The following CLIP1 variants were observed in gnomAD, a reference collection of about 807,000 sequenced individuals.
CLIP1 encodes the protein CAP-Gly domain-containing linker protein 1.
Under a neutral mutation model 161.6 loss-of-function variants are expected in CLIP1, and 66 were observed. The observed-to-expected ratio is 0.41, with a 90% CI of 0.33 to 0.50. CLIP1 has a LOEUF of 0.50. Among genes scored for constraint, CLIP1 ranks in the 20% least tolerant of loss-of-function variants. The pLI, the probability that CLIP1 is intolerant of heterozygous loss-of-function variation, is 0.27. For missense variants in CLIP1, 1,376 were observed against 1,702.0 expected (o/e 0.81, Z 3.37); for synonymous variants, 598 against 626.2 (o/e 0.96, Z 0.67).
chr12:122,381,917 T>G (rs565987401), intron 1 of CLIP1, among the ~76,000 whole-genome samples: 1 of 152,298 alleles, frequency 6.6e-6, no homozygotes, highest in African/African-American at 2.4e-5. Context: ...CAAAACCCAA[T>G]GAAAAGCATC....
At chr12:122,362,160 G>C (rs1460825981) in intron 4 of CLIP1, among the ~76,000 whole-genome samples, 2 of 151,016 alleles carry the variant, frequency 1.3e-5, no homozygotes, top group African/African-American at 4.9e-5. Context: ...CAATATGTTG[G>C]CCAGGATGGT....
In CLIP1 at chr12:122,332,715, C is replaced by G. The variant is rs375645736; in HGVS notation, c.2867+272G>C. On this transcript the variant is annotated intron_variant, in intron 15 of 25. Transcript: ENST00000620786. The stretch of plus-strand genomic sequence containing the variant: ...GGATTACAGGCATGAGCCACCGCAC[C>G]CGGCCTTATTATCTTTTCTTTACAA... Among the ~76,000 whole-genome samples, 5 of 152,268 alleles carry G rather than the reference C, an allele frequency of 3.3e-5. No homozygotes were observed. In the East Asian group the frequency reaches 9.7e-4, roughly 29 times the overall value.
At chr12:122,347,207 C>T (rs1401743091) in intron 10 of CLIP1, among the ~76,000 whole-genome samples, 168 bp downstream of exon 10, 1 of 152,186 alleles carries the variant, frequency 6.6e-6, no homozygotes, top group Non-Finnish European at 1.5e-5. Context: ...AGATATAAAA[C>T]ACCTGTTCCT....
At position 122,340,569 on chromosome 12, in the gene CLIP1, A is replaced by T. The variant is rs79955198; in HGVS notation, c.2451+184T>A. Reference sequence around the variant, plus strand: ...ACATGGTTGAGCCATTATTTTCTCTAATCTCCTCAGATGAAACCATACTTG... The same window carrying T: ...ACATGGTTGAGCCATTATTTTCTCTTATCTCCTCAGATGAAACCATACTTG... On this transcript the variant is annotated intron_variant, in intron 11 of 25. Transcript: ENST00000620786. Among the ~76,000 whole-genome samples, 323 of 152,316 alleles carry T rather than the reference A, an allele frequency of 2.1e-3. 1 individual carries two copies. The highest frequency in any genetic ancestry group is 7.5e-3 in the African/African-American group (313 of 41,572).
Position 122,279,292 on chromosome 12 carries a change from T to C in CLIP1, c.3648-147A>G. 2.0e-6 allele frequency: 1 copy of C among 494,952 alleles called. No homozygotes were observed. Among genetic ancestry groups the C allele is most frequent in the Non-Finnish European group, 3.4e-6 (1 of 291,648 alleles). The allele number at this position is 494,952 out of a possible 1,614,324, so 30.7% of individuals were successfully genotyped here. On this transcript the variant is annotated intron_variant, in intron 21 of 25. Transcript: ENST00000620786. The surrounding 1 kb of genome is among the most constrained non-coding windows in gnomAD (Gnocchi z 4.5). ...GTTTTATAGGGAGTTAAGGCCATTA[T>C]GCTCACAAAATTTTACTTGAAATTT... is the stretch of plus-strand genomic sequence containing the variant.
chr12:122,353,146 G>A (rs186854482), intron 7 of CLIP1, among the ~76,000 whole-genome samples: 2 of 152,244 alleles, frequency 1.3e-5, no homozygotes, highest in African/African-American at 4.8e-5. Context: ...GAGTTTAAGA[G>A]CGGCCTGAGC....
chr12:122,380,588 A>G (rs1954971891), intron 1 of CLIP1, 30 bp from the exon 2 acceptor site: 2 of 524,010 alleles, frequency 3.8e-6, no homozygotes, highest in African/African-American at 1.9e-5. Context: ...AAAAGATTTT[A>G]TAATCTACAG....
chr12:122,405,811 G>A (rs984926954), intron 1 of CLIP1, among the ~76,000 whole-genome samples: 4 of 150,994 alleles, frequency 2.6e-5, no homozygotes, highest in Non-Finnish European at 5.9e-5. Context: ...GCTCACGGCC[G>A]TAATCCCAGC....
rs762479158 is a variant in CLIP1, at chr12:122,323,123, C to G, written c.3250-3775G>C. 22 of 152,606 alleles carry G rather than the reference C, an allele frequency of 1.4e-4. No homozygotes were observed. The highest frequency in any genetic ancestry group is 4.2e-4 in the South Asian group (2 of 4,816). 9.5% of individuals were successfully genotyped at this position (152,606 alleles called of 1,614,324 possible). ...TCCTATGGCTTTGATGGAATTCTCT[C>G]TCTCTGCAAGTAAAGCTCCATTTTG... On this transcript the variant is annotated intron_variant, in intron 17 of 25. Coordinates refer to ENST00000620786, the MANE Select transcript of CLIP1 (RefSeq NM_001247997.2). This position sits in a 1 kb window ranked among gnomAD's most constrained non-coding sequence, Gnocchi z 4.1.
At chr12:122,382,194 T>C (rs796176427) in intron 1 of CLIP1, among the ~76,000 whole-genome samples, 29 of 152,136 alleles carry the variant, frequency 1.9e-4, no homozygotes, top group African/African-American at 5.8e-4. Context: ...AAACTCTGTC[T>C]CTACTAAAAA....
intron 1 of CLIP1, among the ~76,000 whole-genome samples, chr12:122,383,527 G>A (rs1033739638): frequency 6.6e-6 from 1 of 152,170 alleles, no homozygotes. Flanking sequence ...CTGGTTGTCG[G>A]TCCATCTGTG....
chr12:122,331,175 C>T (rs1237793905), intron 15 of CLIP1, among the ~76,000 whole-genome samples: 2 of 151,316 alleles, frequency 1.3e-5, no homozygotes, highest in African/African-American at 2.4e-5. Context: ...CCACCATACC[C>T]GGCTAATTTT....
chr12:122,341,420 G>A lies in CLIP1; in HGVS notation c.1784C>T (p.Thr595Met), dbSNP rs371231033. 22 of 1,613,946 alleles carry A rather than the reference G, an allele frequency of 1.4e-5. No homozygotes were observed. The highest frequency in any genetic ancestry group is 9.3e-5 in the African/African-American group (7 of 74,902). Residue 595 changes from threonine to methionine, a missense_variant, in exon 11 of 26, where the codon ACG becomes ATG. Around this residue, in one of 6 missense-constraint regions of CLIP1, gnomAD observed 948 missense variants for 1,134.8 expected, o/e 0.84. Coordinates refer to ENST00000620786, the MANE Select transcript of CLIP1 (RefSeq NM_001247997.2). ...CTCGTTCTCTTTGGAAAGCTTTTCC[G>A]TGGCGGTATACAGAGCCTTTATCTC... ...QKEIKALYTA[T>M]EKLSKENESL... is the part of the protein sequence containing the mutation.
rs573981348 is a variant in CLIP1 at position 122,361,519 on chromosome 12, C to G, written c.783-338G>C. On this transcript the variant is annotated intron_variant, in intron 4 of 25. Coordinates refer to ENST00000620786, the MANE Select transcript of CLIP1 (RefSeq NM_001247997.2). The stretch of plus-strand genomic sequence containing the variant: ...ACAAGCCCATTTAATAAAACCGTGC[C>G]AAACAAAGGGAAAGGAAATCAAACA... Among the ~76,000 whole-genome samples the G allele has an allele frequency of 2.0e-5, 3 of 152,246 alleles. No individual in the cohort carries two copies. In the East Asian group the frequency reaches 5.8e-4, roughly 29 times the overall value.
At chr12:122,362,909 T>C (rs368238212) in intron 4 of CLIP1, among the ~76,000 whole-genome samples, 1 of 152,106 alleles carries the variant, frequency 6.6e-6, no homozygotes, top group East Asian at 1.9e-4. Context: ...AAAGATGGCT[T>C]CATAATCATT....
chr12:122,414,243 G>A (rs1182001012), intron 1 of CLIP1, among the ~76,000 whole-genome samples: 1 of 151,952 alleles, frequency 6.6e-6, no homozygotes, highest in Non-Finnish European at 1.5e-5. Context: ...GATTTCTTGG[G>A]TTTAAGAGAT....
intron 17 of CLIP1, among the ~76,000 whole-genome samples, chr12:122,320,877 T>C (rs1475000793): frequency 1.3e-5 from 2 of 151,284 alleles, no homozygotes; most frequent in African/African-American, 4.8e-5. Context: ...ACCGGGCTAA[T>C]TTTTGTATTT....
chr12:122,357,881 G>T (rs1475332718), intron 5 of CLIP1, among the ~76,000 whole-genome samples: 1 of 151,120 alleles, frequency 6.6e-6, no homozygotes, highest in Admixed American at 6.6e-5. Flanking sequence ...CTGCTCGGCC[G>T]CCCCTACTGG....
At position 122,276,317 on chromosome 12, in the gene CLIP1, C is replaced by T. The variant is rs558754921; in HGVS notation, c.3966+1837G>A. 6.5e-5 allele frequency: 74 copies of T among 1,130,954 alleles called. 1 individual carries two copies. The East Asian group carries it at 4.0e-3, about 61-fold the overall frequency. The allele number at this position is 1,130,954 out of a possible 1,614,324, so 70.1% of individuals were successfully genotyped here. A position where few individuals can be genotyped will look rare whatever the true frequency, so the allele number is the denominator to read the frequency against. On this transcript the variant is annotated intron_variant, in intron 24 of 25. Coordinates refer to ENST00000620786, the MANE Select transcript of CLIP1 (RefSeq NM_001247997.2). ...CAACGTGCATTTTCTAAGTCATTAT[C>T]GTGTTAAGAGCTCCATTTCAGGAAG...
Sources: allele counts gnomAD v4.1 joint callset (sites outside exome capture counted in the v4.1 genomes callset), GRCh38; gene constraint gnomAD v4.1.1; regional missense constraint gnomAD v4.1.1; non-coding constraint Gnocchi (gnomAD v3.1); transcripts MANE v1.5; gene names NCBI Gene and HGNC (gene_info 2026-07-23, HGNC 2026-07-21).